EIPR1: variants seen among roughly 807,000 people sequenced by gnomAD.
The protein encoded by EIPR1 is EARP and GARP complex-interacting protein 1.
Under a neutral mutation model 48.1 loss-of-function variants are expected in EIPR1, and 25 were observed. The observed-to-expected ratio is 0.52, with a 90% CI of 0.38 to 0.73. EIPR1 has a LOEUF of 0.73. Ranked by LOEUF, EIPR1 falls within the 30% of genes least tolerant of loss-of-function variation. EIPR1 has a pLI of 0.00. For missense variants in EIPR1, 415 were observed against 506.2 expected, an observed-to-expected ratio of 0.82 and a Z score of 1.73; for synonymous variants, 204 against 201.9, an observed-to-expected ratio of 1.01 and a Z score of -0.09.
chr2:3,376,413 C>T (rs999547365), intron 1 of EIPR1, among the ~76,000 whole-genome samples: 1 of 152,108 alleles, frequency 6.6e-6, no homozygotes, highest in African/African-American at 2.4e-5. Context: ...CAGACATTGG[C>T]CAGGTGCGGT....
intron 3 of EIPR1, among the ~76,000 whole-genome samples, chr2:3,296,341 TTC>T (rs1440806098): frequency 2.0e-5 from 1 of 51,070 alleles, no homozygotes; most frequent in Non-Finnish European, 3.7e-5. Context: ...ATCCAGCCCG[TTC>T]TCTCTCTACA....
intron 3 of EIPR1, among the ~76,000 whole-genome samples, chr2:3,334,751 T>C (rs904734168): frequency 6.6e-6 from 1 of 152,238 alleles, no homozygotes; most frequent in Non-Finnish European, 1.5e-5. Flanking sequence ...TAAAATAGAA[T>C]TCTTGGAACT....
intron 1 of EIPR1, among the ~76,000 whole-genome samples, chr2:3,362,628 T>G (rs1442242755): frequency 7.0e-6 from 1 of 143,558 alleles, no homozygotes; most frequent in African/African-American, 2.6e-5. Flanking sequence ...CCAGCCTGGG[T>G]GACAGAGCGA....
intron 1 of EIPR1, among the ~76,000 whole-genome samples, chr2:3,355,653 T>C (rs1275436860): frequency 7.3e-6 from 1 of 136,512 alleles, no homozygotes; most frequent in Admixed American, 8.2e-5. Flanking sequence ...CTCTGCAAAA[T>C]AAATTGTAAA....
At chr2:3,323,053 T>C (rs976404073) in intron 3 of EIPR1, among the ~76,000 whole-genome samples, 9 of 152,070 alleles carry the variant, frequency 5.9e-5, no homozygotes, top group African/African-American at 2.2e-4. Flanking sequence ...TTCCGGAGAT[T>C]CAGAAATTGG....
intron 3 of EIPR1, among the ~76,000 whole-genome samples, chr2:3,275,982 G>A (rs1256934713): frequency 6.6e-6 from 1 of 152,182 alleles, no homozygotes; most frequent in African/African-American, 2.4e-5. Context: ...AAAGTCGACT[G>A]TATTTTTCTA....
Position 3,377,663 on chromosome 2 carries a change from G to T in EIPR1, c.27C>A (p.Tyr9Ter), listed in dbSNP as rs774860012. The T allele has an allele frequency of 3.2e-6, 5 of 1,580,194 alleles. No homozygotes were observed. The highest frequency in any genetic ancestry group is 3.4e-6 in the Non-Finnish European group (4 of 1,162,574). Residue 9 changes from tyrosine (Y) to a stop codon, truncating the protein, a stop_gained, in exon 1 of 9, where the codon TAC (tyrosine) becomes TAA (stop). Coordinates refer to ENST00000382125, the MANE Select transcript of EIPR1 (RefSeq NM_003310.5). LOFTEE classifies it high-confidence loss of function. ...AGTGACCCACCTGGAACTCCAGCCCGTAGATCACTGGTGCATCGTCCTCCA... is the reference window on the plus strand; with the variant it reads ...AGTGACCCACCTGGAACTCCAGCCCTTAGATCACTGGTGCATCGTCCTCCA... MEDDAPVIYGLEFQARALT... is the reference protein window; with the variant it reads MEDDAPVI
At chr2:3,208,839 C>G in intron 5 of EIPR1, 1 of 1,550,518 alleles carries the variant, frequency 6.4e-7, no homozygotes, top group African/African-American at 1.4e-5. Flanking sequence ...GTGCAGGTGT[C>G]TGGGGCCATC....
chr2:3,205,814 T>TCACG (rs2103122109), intron 5 of EIPR1, among the ~76,000 whole-genome samples: 1 of 152,298 alleles, frequency 6.6e-6, no homozygotes, highest in Admixed American at 6.5e-5. Flanking sequence ...CTCCTATAAC[T>TCACG]CACGCACGTG....
chr2:3,286,271 T>A lies in EIPR1; in HGVS notation c.260-28816A>T, dbSNP rs963358327. On this transcript the variant is annotated intron_variant, in intron 3 of 8. Coordinates refer to ENST00000382125, the MANE Select transcript of EIPR1 (RefSeq NM_003310.5). The surrounding 1 kb of genome is among the most constrained non-coding windows in gnomAD (Gnocchi z 4.2). ...GGCCTCATTTACAAACCCAGGGTGA[T>A]TCGACAACTGCCGTCACCGTGCCTG... Among the ~76,000 whole-genome samples the A allele has an allele frequency of 6.6e-6, 1 of 152,328 alleles. No individual in the cohort carries two copies. The highest frequency in any genetic ancestry group is 1.9e-4 in the East Asian group (1 of 5,184).
chr2:3,281,907 G>A (rs191551515), intron 3 of EIPR1, among the ~76,000 whole-genome samples: 3 of 152,244 alleles, frequency 2.0e-5, no homozygotes, highest in Non-Finnish European at 2.9e-5. Context: ...AAGTTTCTGC[G>A]GGATGATAGA....
intron 1 of EIPR1, among the ~76,000 whole-genome samples, chr2:3,364,466 C>CA (rs567096503): frequency 9.3e-4 from 141 of 151,334 alleles, no homozygotes; most frequent in African/African-American, 3.0e-3. Context: ...CCCATCTCTA[C>CA]AAAAAATACA....
chr2:3,306,538 T>C (rs556929002), intron 3 of EIPR1, among the ~76,000 whole-genome samples: 2 of 152,358 alleles, frequency 1.3e-5, no homozygotes, highest in African/African-American at 4.8e-5. Context: ...TAGCCCACTG[T>C]TGCCCAGAAG....
In EIPR1 at chr2:3,292,054, T is replaced by C. The variant is rs114699655; in HGVS notation, c.260-34599A>G. Among the ~76,000 whole-genome samples the C allele has an allele frequency of 6.3e-3, 961 of 152,350 alleles. 6 individuals are homozygous for C. Among genetic ancestry groups the C allele is most frequent in the African/African-American group, 0.022 (899 of 41,594 alleles). On this transcript the variant is annotated intron_variant, in intron 3 of 8. Coordinates refer to ENST00000382125, the MANE Select transcript of EIPR1 (RefSeq NM_003310.5). ...GTCCACTGAACCCTCCTGCCACACA[T>C]GCTCTGCTCTGTGAGGAAGGTTGAA...
At chr2:3,265,809 ATGAGGAAAC>A (rs1436310622) in intron 3 of EIPR1, among the ~76,000 whole-genome samples, 1 of 152,224 alleles carries the variant, frequency 6.6e-6, no homozygotes, top group African/African-American at 2.4e-5. Flanking sequence ...CATTTCACAA[ATGAGGAAAC>A]TGAGGCCCAG....
At position 3,216,315 on chromosome 2, in the gene EIPR1, T is replaced by C. The variant is rs541877714; in HGVS notation, c.417-2067A>G. Among the ~76,000 whole-genome samples the C allele has an allele frequency of 5.3e-5, 8 of 152,214 alleles. No individual in the cohort carries two copies. The South Asian group carries it at 1.7e-3, about 32-fold the overall frequency. On this transcript the variant is annotated intron_variant, in intron 4 of 8. Coordinates refer to ENST00000382125, the MANE Select transcript of EIPR1 (RefSeq NM_003310.5). ...CAGCAGATCTCACTTATAACTCACG[T>C]GTGCTTCCCACCAAAAAACAAGCAA...
intron 1 of EIPR1, among the ~76,000 whole-genome samples, chr2:3,376,373 C>T (rs1266028100): frequency 6.6e-6 from 1 of 151,942 alleles, no homozygotes; most frequent in Non-Finnish European, 1.5e-5. Flanking sequence ...ACTAACACTG[C>T]TGCCTCTCTG....
intron 3 of EIPR1, among the ~76,000 whole-genome samples, chr2:3,306,226 C>T (rs1014856765): frequency 2.3e-4 from 35 of 152,228 alleles, no homozygotes; most frequent in African/African-American, 7.7e-4. Context: ...CTGAACAGCG[C>T]TGTACACACC....
intron 4 of EIPR1, among the ~76,000 whole-genome samples, chr2:3,226,727 T>A (rs746531834): frequency 1.7e-4 from 26 of 152,214 alleles, no homozygotes; most frequent in Non-Finnish European, 3.7e-4. Flanking sequence ...CTCACCCAAA[T>A]CTCATGTCAA....
Sources: allele counts gnomAD v4.1 joint callset (sites outside exome capture counted in the v4.1 genomes callset), GRCh38; gene constraint gnomAD v4.1.1; non-coding constraint Gnocchi (gnomAD v3.1); transcripts MANE v1.5; gene names NCBI Gene and HGNC (gene_info 2026-07-23, HGNC 2026-07-21).